The following PCNX2 variants were observed in gnomAD, a reference collection of about 807,000 sequenced individuals.
The protein encoded by PCNX2 is pecanex 2, also known as pecanex-like protein 2.
Under a neutral mutation model 223.8 loss-of-function variants are expected in PCNX2, and 168 were observed. The observed-to-expected ratio is 0.75, with a 90% CI of 0.66 to 0.85. PCNX2 has a LOEUF of 0.85. PCNX2 is among the 40% of genes least tolerant of loss of function. PCNX2 has a pLI of 0.00. For synonymous variants in PCNX2, 1,006 were observed against 1,052.6 expected, an observed-to-expected ratio of 0.96 and a Z score of 0.86; for missense variants, 2,507 against 2,675.5, an observed-to-expected ratio of 0.94 and a Z score of 1.39.
chr1:233,030,352 T>C (rs777319216), intron 25 of PCNX2, among the ~76,000 whole-genome samples: 18 of 152,206 alleles, frequency 1.2e-4, no homozygotes, highest in Non-Finnish European at 2.4e-4. Context: ...CTAAACATAG[T>C]ATTACCTGGT....
At chr1:233,006,025 G>C (rs1329442463) in intron 28 of PCNX2, among the ~76,000 whole-genome samples, 1 of 152,154 alleles carries the variant, frequency 6.6e-6, no homozygotes, top group Non-Finnish European at 1.5e-5. Flanking sequence ...AGAGAGGGCA[G>C]GCAGGGCCCT....
At chr1:233,183,414 T>G (rs1313271525) in intron 15 of PCNX2, among the ~76,000 whole-genome samples, 1 of 152,216 alleles carries the variant, frequency 6.6e-6, no homozygotes, top group South Asian at 2.1e-4. Context: ...GTTTGGGCTT[T>G]CATAATGACT....
chr1:233,141,473 C>T (rs1677105810), intron 19 of PCNX2, among the ~76,000 whole-genome samples: 3 of 152,186 alleles, frequency 2.0e-5, no homozygotes, highest in African/African-American at 7.2e-5. Context: ...TGGAGACCAG[C>T]CTGGCCAACA....
In PCNX2 at chr1:232,999,452, CTTTTTTT is replaced by C. The variant is rs61543110; in HGVS notation, c.5329-80_5329-74del. 8.7e-4 allele frequency: 1,024 copies of C among 1,171,040 alleles called. 8 individuals are homozygous for C. In the South Asian group the frequency reaches 0.013, roughly 15 times the overall value. 72.5% of individuals were successfully genotyped at this position (1,171,040 alleles called of 1,614,324 possible). A position where few individuals can be genotyped will look rare whatever the true frequency, so the allele number is the denominator to read the frequency against. On this transcript the variant is annotated intron_variant, in intron 30 of 33. Coordinates refer to ENST00000258229, the MANE Select transcript of PCNX2 (RefSeq NM_014801.4). ...TCCAGTCTATTGGTTTTTTCTTTTTCTTTTTTTTTTTTTTTTTTGAGATAGAGTTTCG... is the reference window on the plus strand; with the variant it reads ...TCCAGTCTATTGGTTTTTTCTTTTTCTTTTTTTTTTTGAGATAGAGTTTCG...
intron 28 of PCNX2, among the ~76,000 whole-genome samples, chr1:233,010,331 G>T (rs909034229): frequency 6.6e-6 from 1 of 152,230 alleles, no homozygotes; most frequent in Non-Finnish European, 1.5e-5. Context: ...GCATGCCACA[G>T]CTTGGCAGAG....
intron 17 of PCNX2, among the ~76,000 whole-genome samples, chr1:233,164,078 G>A (rs1466080764): frequency 1.3e-5 from 2 of 152,166 alleles, no homozygotes; most frequent in Non-Finnish European, 2.9e-5. Flanking sequence ...GCTGGGTTAT[G>A]TAGTAGGTTT....
the PCNX2 span, among the ~76,000 whole-genome samples, chr1:233,321,561 G>C: frequency 6.6e-6 from 1 of 152,188 alleles, no homozygotes; most frequent in Admixed American, 6.5e-5. Flanking sequence ...GCCTCCCAAA[G>C]TGCTGGGATT....
Position 233,135,028 on chromosome 1 carries a change from G to T in PCNX2, c.3822C>A (p.Ser1274=), listed in dbSNP as rs753187903. The change falls in exon 21 of 34, where the codon TCC becomes TCA. Residue 1274 remains serine (S), a synonymous_variant. Transcript: ENST00000258229. The part of the protein sequence containing the change: ...ESFLLDFFMV[S]ILFSKLGDLL... ...ATTCACTTGCCTTGCTAAATAAAAT[G>T]GACACCATGAAGAAATCCAGTAAGA... 6.2e-7 allele frequency: 1 copy of T among 1,606,486 alleles called. No individual in the cohort carries two copies. Among genetic ancestry groups the T allele is most frequent in the South Asian group, 1.1e-5 (1 of 90,928 alleles).
the PCNX2 span, among the ~76,000 whole-genome samples, chr1:233,318,563 CTTTTTTTTTTTTT>C: frequency 9.5e-3 from 882 of 92,548 alleles, 14 homozygotes; most frequent in East Asian, 0.089. Context: ...TTTTCTTTTT[CTTTTTTTTTTTTT>C]TTTTTTTGAG....
At chr1:233,312,954 C>T in the PCNX2 span, among the ~76,000 whole-genome samples, 1 of 151,868 alleles carries the variant, frequency 6.6e-6, no homozygotes, top group Non-Finnish European at 1.5e-5. Context: ...AAGGCATAGA[C>T]ACTGTGTACC....
rs1220723775 is a variant in PCNX2 at position 233,253,501 on chromosome 1, C to T, written c.1835-713G>A. Reference sequence around the variant, plus strand: ...CTGGGATGACAGGCACATGCCACTACATCCAGCTAATTTTTTAAATTTTAT... The same window carrying T: ...CTGGGATGACAGGCACATGCCACTATATCCAGCTAATTTTTTAAATTTTAT... On this transcript the variant is annotated intron_variant, in intron 5 of 33. Transcript: ENST00000258229. This position sits in a 1 kb window ranked among gnomAD's most constrained non-coding sequence, Gnocchi z 4.2. 6.6e-6 allele frequency among the ~76,000 whole-genome samples: 1 copy of T among 152,192 alleles called. No individual in the cohort carries two copies. The highest frequency in any genetic ancestry group is 1.5e-5 in the Non-Finnish European group (1 of 68,040).
intron 9 of PCNX2, among the ~76,000 whole-genome samples, chr1:233,236,368 A>G (rs916481167): frequency 1.1e-4 from 17 of 152,180 alleles, no homozygotes; most frequent in African/African-American, 4.1e-4. Context: ...TAAAATAATG[A>G]AAGGCTTCAC....
intron 3 of PCNX2, 88 bp from the exon 4 acceptor site, chr1:233,261,409 G>T: frequency 2.4e-6 from 3 of 1,239,484 alleles, no homozygotes; most frequent in Non-Finnish European, 3.6e-6. Flanking sequence ...AGCAGTCACT[G>T]ATTTTCTAAA....
At chr1:233,175,295 A>C (rs1679416947) in intron 17 of PCNX2, among the ~76,000 whole-genome samples, 1 of 152,226 alleles carries the variant, frequency 6.6e-6, no homozygotes, top group African/African-American at 2.4e-5. Context: ...ACATCTTATT[A>C]AATCACCTAA....
At chr1:233,192,411 C>A (rs1273258817) in intron 15 of PCNX2, among the ~76,000 whole-genome samples, 5 of 152,100 alleles carry the variant, frequency 3.3e-5, no homozygotes, top group African/African-American at 9.7e-5. Context: ...AATATTAAAT[C>A]TTGGCTCGAA....
At chr1:233,123,685 T>A (rs1675937935) in intron 21 of PCNX2, among the ~76,000 whole-genome samples, 1 of 152,154 alleles carries the variant, frequency 6.6e-6, no homozygotes, top group African/African-American at 2.4e-5. Context: ...TGAAGGCAAG[T>A]CTCTAAAGAC....
intron 21 of PCNX2, among the ~76,000 whole-genome samples, chr1:233,122,522 T>C (rs1378748613): frequency 1.6e-5 from 2 of 123,448 alleles, no homozygotes; most frequent in Admixed American, 9.3e-5. Context: ...GTTAATATTA[T>C]ATATCTTTTT....
intron 10 of PCNX2, among the ~76,000 whole-genome samples, chr1:233,220,082 T>C (rs1212364523): frequency 6.6e-6 from 1 of 152,220 alleles, no homozygotes; most frequent in African/African-American, 2.4e-5. Context: ...ACTATGCAGT[T>C]AACGTTCCTC....
the PCNX2 span, among the ~76,000 whole-genome samples, chr1:233,322,587 G>A: frequency 1.3e-5 from 2 of 152,082 alleles, no homozygotes; most frequent in African/African-American, 2.4e-5. Context: ...AGTACCAGGC[G>A]TTCGACTCAA....
Sources: gnomAD v4.1 joint callset for allele counts (sites outside exome capture counted in the v4.1 genomes callset) on GRCh38, gnomAD v4.1.1 for gene constraint, Gnocchi (gnomAD v3.1) non-coding constraint, MANE v1.5 for transcripts, NCBI Gene and HGNC (gene_info 2026-07-23, HGNC 2026-07-21) for gene names.